The following PTPRG variants were observed in gnomAD, a reference collection of about 807,000 sequenced individuals.
PTPRG encodes protein tyrosine phosphatase receptor type G.
In PTPRG, 102 loss-of-function variants were observed where a neutral mutation model predicts 165.3. The ratio of observed to expected loss-of-function variants is 0.62; its 90% CI spans 0.53 to 0.73. The LOEUF (loss-of-function observed/expected upper bound fraction) is 0.73. PTPRG is among the 30% of genes least tolerant of loss of function. The pLI, the probability that PTPRG is intolerant of heterozygous loss-of-function variation, is 0.00. For missense variants in PTPRG, 1,866 were observed against 1,861.4 expected, an observed-to-expected ratio of 1.00 and a Z score of -0.05; for synonymous variants, 675 against 669.5, an observed-to-expected ratio of 1.01 and a Z score of -0.13.
At chr3:61,738,314 A>ATGTG (rs1559583418) in intron 1 of PTPRG, among the ~76,000 whole-genome samples, 31,615 of 78,296 alleles carry the variant, frequency 0.4, 11,665 homozygotes, top group Non-Finnish European at 0.5. Flanking sequence ...ATATATATAC[A>ATGTG]TATATATATA....
At chr3:61,666,234 G>GT (rs1254625188) in intron 1 of PTPRG, among the ~76,000 whole-genome samples, 1 of 152,182 alleles carries the variant, frequency 6.6e-6, no homozygotes, top group African/African-American at 2.4e-5. Context: ...GCTGCTGAAG[G>GT]CTCCTTACTG....
chr3:62,212,722 G>T (rs116857864), intron 12 of PTPRG, among the ~76,000 whole-genome samples: 2 of 152,164 alleles, frequency 1.3e-5, no homozygotes, highest in South Asian at 2.1e-4. Context: ...GGAGTGTGCC[G>T]CTTGGTTCCA....
At chr3:61,827,222 C>G (rs1236701408) in intron 2 of PTPRG, among the ~76,000 whole-genome samples, 1 of 152,192 alleles carries the variant, frequency 6.6e-6, no homozygotes, top group Non-Finnish European at 1.5e-5. Flanking sequence ...GCAGCATGAG[C>G]AAGAAAACAT....
intron 5 of PTPRG, among the ~76,000 whole-genome samples, chr3:62,112,491 A>G (rs1702707868): frequency 6.6e-6 from 1 of 152,224 alleles, no homozygotes; most frequent in South Asian, 2.1e-4. Flanking sequence ...GAGAATGATT[A>G]TTTGTTCTAA....
intron 5 of PTPRG, chr3:62,118,218 T>C (rs1376753308): frequency 6.6e-6 from 1 of 152,254 alleles, no homozygotes; most frequent in Non-Finnish European, 1.5e-5. Context: ...ATTTTTGACT[T>C]TGCAGGCCAT....
chr3:62,140,589 G>A (rs998318620), intron 6 of PTPRG, among the ~76,000 whole-genome samples: 1 of 152,172 alleles, frequency 6.6e-6, no homozygotes, highest in African/African-American at 2.4e-5. Context: ...GTTCATGCCT[G>A]TAATCCCAGC....
chr3:61,846,837 TC>T (rs1285757600), intron 2 of PTPRG, among the ~76,000 whole-genome samples: 1 of 151,982 alleles, frequency 6.6e-6, no homozygotes, highest in Non-Finnish European at 1.5e-5. Context: ...ATTGCTTGAG[TC>T]CAGGAGGTGG....
intron 2 of PTPRG, among the ~76,000 whole-genome samples, chr3:61,963,695 A>G (rs1329877946): frequency 6.6e-6 from 1 of 152,176 alleles, no homozygotes; most frequent in Non-Finnish European, 1.5e-5. Flanking sequence ...GATAATTTGA[A>G]CTGTAGAATA....
At chr3:62,277,712 G>A (rs776484583) in intron 26 of PTPRG, 33 bp downstream of exon 26, 2 of 1,608,034 alleles carry the variant, frequency 1.2e-6, no homozygotes, top group African/African-American at 1.3e-5. Context: ...ATATTAATGA[G>A]CCCATGAGGC....
At chr3:61,923,654 C>T (rs1230131576) in intron 2 of PTPRG, among the ~76,000 whole-genome samples, 4 of 149,624 alleles carry the variant, frequency 2.7e-5, no homozygotes, top group Non-Finnish European at 5.9e-5. Context: ...AGAACAGTTC[C>T]CACCTATGAG....
At position 61,857,763 on chromosome 3, in the gene PTPRG, C is replaced by T. The variant is rs112067550; in HGVS notation, c.190+108781C>T. On this transcript the variant is annotated intron_variant, in intron 2 of 29. Transcript: ENST00000474889. ...TTGAATGTTGGGTGTGTGTTGTTGGCGTCTTCATTTTTTTTCTGCAATCAA... is the reference window on the plus strand; with the variant it reads ...TTGAATGTTGGGTGTGTGTTGTTGGTGTCTTCATTTTTTTTCTGCAATCAA... 5.9e-3 allele frequency among the ~76,000 whole-genome samples: 903 copies of T among 152,124 alleles called. 16 individuals carry two copies. Among genetic ancestry groups the T allele is most frequent in the Admixed American group, 0.032 (485 of 15,272 alleles).
chr3:61,657,469 T>C (rs1702539653), intron 1 of PTPRG, among the ~76,000 whole-genome samples: 1 of 152,052 alleles, frequency 6.6e-6, no homozygotes. Context: ...CCCCCGTCTC[T>C]ACACAAAATA....
Position 62,254,787 on chromosome 3 carries a change from C to A in PTPRG, c.2468-337C>A, listed in dbSNP as rs186798160. Among the ~76,000 whole-genome samples the A allele has an allele frequency of 1.3e-5, 2 of 152,062 alleles. No individual in the cohort carries two copies. The highest frequency in any genetic ancestry group is 4.8e-5 in the African/African-American group (2 of 41,518). ...CCCCTGGTGTGATAAAATTTCTTGG[C>A]AAATGGGTACCCTTGATAAATTCAC... On this transcript the variant is annotated intron_variant, in intron 15 of 29. Transcript: ENST00000474889. The surrounding 1 kb of genome is among the most constrained non-coding windows in gnomAD (Gnocchi z 4.6).
At chr3:61,997,923 C>T (rs1286749646) in intron 3 of PTPRG, among the ~76,000 whole-genome samples, 1 of 152,260 alleles carries the variant, frequency 6.6e-6, no homozygotes, top group Non-Finnish European at 1.5e-5. Context: ...GTCTGGGGAT[C>T]CCATCATTAG....
At chr3:61,763,418 AG>A (rs1223738804) in intron 2 of PTPRG, among the ~76,000 whole-genome samples, 5 of 151,840 alleles carry the variant, frequency 3.3e-5, no homozygotes, top group African/African-American at 7.3e-5. Flanking sequence ...TTGTATTTTT[AG>A]TAGAGACGGG....
At chr3:61,796,513 A>G (rs759170037) in intron 2 of PTPRG, among the ~76,000 whole-genome samples, 1 of 152,216 alleles carries the variant, frequency 6.6e-6, no homozygotes, top group Non-Finnish European at 1.5e-5. Flanking sequence ...GCTGCCTAGG[A>G]AGGACAAAGT....
chr3:61,767,281 T>C (rs1400340929), intron 2 of PTPRG, among the ~76,000 whole-genome samples: 1 of 127,974 alleles, frequency 7.8e-6, no homozygotes, highest in Non-Finnish European at 1.7e-5. Context: ...TCAAACTCCA[T>C]TTTTTTAACT....
At chr3:61,799,572 TAA>T (rs2107163603) in intron 2 of PTPRG, among the ~76,000 whole-genome samples, 1 of 152,350 alleles carries the variant, frequency 6.6e-6, no homozygotes, top group South Asian at 2.1e-4. Context: ...TGGATTTACC[TAA>T]AGTTTTCCTC....
intron 1 of PTPRG, among the ~76,000 whole-genome samples, chr3:61,605,414 C>A (rs1035160470): frequency 4.6e-5 from 7 of 151,892 alleles, no homozygotes; most frequent in African/African-American, 1.7e-4. Flanking sequence ...CACCACCACA[C>A]CCAGCTAATT....
Sources: allele counts gnomAD v4.1 joint callset (sites outside exome capture counted in the v4.1 genomes callset), GRCh38; gene constraint gnomAD v4.1.1; non-coding constraint Gnocchi (gnomAD v3.1); transcripts MANE v1.5; gene names NCBI Gene and HGNC (gene_info 2026-07-23, HGNC 2026-07-21).